RALYL: variants seen among roughly 807,000 people sequenced by gnomAD.
RALYL encodes the protein RNA-binding Raly-like protein.
RALYL carries 29 observed loss-of-function variants against 35.1 expected under a neutral mutation model. That is an observed-to-expected ratio of 0.83 (90% CI 0.61 to 1.13). RALYL has a LOEUF of 1.13. Among genes scored for constraint, RALYL ranks in the 50% most tolerant of loss-of-function variants. The probability of loss-of-function intolerance (pLI) is 0.00; values close to 1 mark genes in which losing one functional copy is unlikely to be tolerated. For synonymous variants in RALYL, 120 were observed against 127.6 expected (o/e 0.94, Z 0.40); for missense variants, 359 against 360.4 (o/e 1.00, Z 0.03).
In RALYL at chr8:84,853,826, C is replaced by G. The variant is rs556358311; in HGVS notation, c.413+3799C>G. 2.0e-5 allele frequency among the ~76,000 whole-genome samples: 3 copies of G among 151,540 alleles called. No homozygotes were observed. In the East Asian group the frequency reaches 5.8e-4, roughly 29 times the overall value. On this transcript the variant is annotated intron_variant, in intron 5 of 8. Transcript: ENST00000521268. The stretch of plus-strand genomic sequence containing the variant: ...TTTCTCATAAGTTACGGTCTTCTTG[C>G]ATTTGTGTTTTCTTTTTCTCTCTCT...
intron 5 of RALYL, among the ~76,000 whole-genome samples, chr8:84,860,227 AT>A (rs1837844397): frequency 1.3e-5 from 2 of 152,162 alleles, no homozygotes; most frequent in Non-Finnish European, 2.9e-5. Flanking sequence ...CTCTTACATC[AT>A]TGTATATTTT....
chr8:84,689,948 G>C (rs889264925), intron 2 of RALYL, among the ~76,000 whole-genome samples: 1 of 152,118 alleles, frequency 6.6e-6, no homozygotes, highest in Non-Finnish European at 1.5e-5. Context: ...ATATAAATTG[G>C]TACAGCCCTG....
intron 2 of RALYL, among the ~76,000 whole-genome samples, chr8:84,592,822 T>G (rs1300549973): frequency 1.3e-5 from 2 of 152,124 alleles, no homozygotes; most frequent in African/African-American, 2.4e-5. Flanking sequence ...TTTATTAAAT[T>G]TATTAGTTCT....
intron 4 of RALYL, among the ~76,000 whole-genome samples, chr8:84,838,875 A>G (rs1302327578): frequency 6.6e-6 from 1 of 152,242 alleles, no homozygotes; most frequent in Admixed American, 6.5e-5. Context: ...TAATGCCTTT[A>G]TAATTGATGA....
At chr8:84,549,649 A>C (rs1413290856) in intron 2 of RALYL, among the ~76,000 whole-genome samples, 1 of 152,196 alleles carries the variant, frequency 6.6e-6, no homozygotes, top group Non-Finnish European at 1.5e-5. Context: ...CACCTGATCT[A>C]GGAATGCAGA....
chr8:84,572,564 A>G (rs142850049), intron 2 of RALYL, among the ~76,000 whole-genome samples: 1 of 151,898 alleles, frequency 6.6e-6, no homozygotes, highest in Non-Finnish European at 1.5e-5. Context: ...AAATTAGGCA[A>G]ATCATCTTTC....
At chr8:84,304,404 G>A (rs867597059) in intron 1 of RALYL, among the ~76,000 whole-genome samples, 9 of 151,998 alleles carry the variant, frequency 5.9e-5, no homozygotes, top group African/African-American at 1.4e-4. Flanking sequence ...ATCCAAATCC[G>A]TTTTGTGTTT....
At chr8:84,727,443 C>T (rs913169545) in intron 2 of RALYL, among the ~76,000 whole-genome samples, 1 of 151,874 alleles carries the variant, frequency 6.6e-6, no homozygotes, top group Non-Finnish European at 1.5e-5. Flanking sequence ...TAACTCTTCA[C>T]TATATTTTCT....
At chr8:84,630,227 G>A (rs1475364968) in intron 2 of RALYL, among the ~76,000 whole-genome samples, 1 of 151,954 alleles carries the variant, frequency 6.6e-6, no homozygotes, top group Non-Finnish European at 1.5e-5. Context: ...CATTACAAAT[G>A]TTTCACTAAT....
At position 84,835,638 on chromosome 8, in the gene RALYL, G is replaced by A. The variant is rs142951634; in HGVS notation, c.366-14342G>A. ...GCAGAGGTTGCGATGAGCCAAGATC[G>A]TGCCATTGCACTCCAGCCTGGGCAA... On this transcript the variant is annotated intron_variant, in intron 4 of 8. Coordinates refer to ENST00000521268, the MANE Select transcript of RALYL (RefSeq NM_173848.7). Among the ~76,000 whole-genome samples, 161 of 146,258 alleles carry A rather than the reference G, an allele frequency of 1.1e-3. 1 individual carries two copies. The highest frequency in any genetic ancestry group is 3.4e-3 in the African/African-American group (134 of 38,848).
intron 2 of RALYL, among the ~76,000 whole-genome samples, chr8:84,692,560 T>C (rs1838279474): frequency 6.6e-6 from 1 of 152,066 alleles, no homozygotes; most frequent in African/African-American, 2.4e-5. Flanking sequence ...AATTAATCTA[T>C]AGATTTAGTG....
At chr8:84,598,659 C>T (rs77430073) in intron 2 of RALYL, among the ~76,000 whole-genome samples, 2,623 of 152,136 alleles carry the variant, frequency 0.017, 36 homozygotes, top group Non-Finnish European at 0.03. Context: ...TAACAATAGT[C>T]TTTTAGGTTT....
chr8:84,839,183 G>A (rs13275855), intron 4 of RALYL, among the ~76,000 whole-genome samples: 60,309 of 152,148 alleles, frequency 0.4, 13,122 homozygotes, highest in South Asian at 0.54. Context: ...CACCTCCCCC[G>A]GGAAGTGCAA....
intron 1 of RALYL, among the ~76,000 whole-genome samples, chr8:84,361,070 A>T (rs760003229): frequency 6.6e-6 from 1 of 152,036 alleles, no homozygotes; most frequent in Non-Finnish European, 1.5e-5. Context: ...GAATGAAATG[A>T]TTTGGGTCTG....
intron 4 of RALYL, among the ~76,000 whole-genome samples, chr8:84,839,386 G>A (rs1258311185): frequency 6.6e-6 from 1 of 152,210 alleles, no homozygotes; most frequent in Non-Finnish European, 1.5e-5. Context: ...ACAGCAGTCT[G>A]AGATCAAACT....
chr8:84,813,121 A>G (rs1826300417), intron 4 of RALYL, among the ~76,000 whole-genome samples: 5 of 152,118 alleles, frequency 3.3e-5, no homozygotes, highest in Admixed American at 1.3e-4. Flanking sequence ...TATTTCACTC[A>G]GCTCTTGAAA....
At chr8:84,362,210 A>T (rs1438128943) in intron 1 of RALYL, among the ~76,000 whole-genome samples, 1 of 152,170 alleles carries the variant, frequency 6.6e-6, no homozygotes, top group Non-Finnish European at 1.5e-5. Flanking sequence ...GGAGTAGTTC[A>T]TTAGTTCTTA....
At chr8:84,195,252 G>C (rs907286420) in intron 1 of RALYL, among the ~76,000 whole-genome samples, 4 of 151,988 alleles carry the variant, frequency 2.6e-5, no homozygotes, top group African/African-American at 9.7e-5. Flanking sequence ...GGGTCAACAT[G>C]GTGTGAAACC....
intron 1 of RALYL, among the ~76,000 whole-genome samples, chr8:84,306,163 A>G (rs906979261): frequency 1.5e-5 from 2 of 133,300 alleles, no homozygotes; most frequent in African/African-American, 5.3e-5. Flanking sequence ...GACTCCGTCT[A>G]AAAAAAAAAA....
Sources: gnomAD v4.1 joint callset for allele counts (sites outside exome capture counted in the v4.1 genomes callset) on GRCh38, gnomAD v4.1.1 for gene constraint, MANE v1.5 for transcripts, NCBI Gene and HGNC (gene_info 2026-07-23, HGNC 2026-07-21) for gene names.